RCN2: variants seen among roughly 807,000 people sequenced by gnomAD.
RCN2 encodes the protein reticulocalbin-2.
Under a neutral mutation model 37.5 loss-of-function variants are expected in RCN2, and 23 were observed. The observed-to-expected ratio is 0.61, with a 90% CI of 0.44 to 0.87. The LOEUF (loss-of-function observed/expected upper bound fraction) is 0.87, where lower values mean the gene tolerates loss of function less well. Ranked by LOEUF, RCN2 falls within the 40% of genes least tolerant of loss-of-function variation. The pLI, the probability that RCN2 is intolerant of heterozygous loss-of-function variation, is 0.00. For synonymous variants in RCN2, 140 were observed against 144.6 expected (o/e 0.97, Z 0.23); for missense variants, 381 against 390.4 (o/e 0.98, Z 0.20).
chr15:76,931,980 G>A lies in RCN2; in HGVS notation c.139G>A (p.Val47Ile), dbSNP rs533344320. 133 of 1,263,950 alleles carry A rather than the reference G, an allele frequency of 1.1e-4. No individual in the cohort carries two copies. In the African/African-American group the frequency reaches 1.8e-3, roughly 17 times the overall value. The allele number at this position is 1,263,950 out of a possible 1,614,324, so 78.3% of individuals were successfully genotyped here. ...CTACGACCGCGAGGCGCTGCTGGGC[G>A]TCCAGGTGAGGCGGCCAGGCCGGTG... Reference protein sequence around the residue: ...SDYDREALLGVQEDVDEYVKL... With the variant: ...SDYDREALLGIQEDVDEYVKL... Residue 47 changes from valine to isoleucine, a missense_variant, in exon 1 of 7, where the codon GTC becomes ATC. Transcript: ENST00000394885.
At chr15:76,941,783 T>G in intron 3 of RCN2, 1 of 641,374 alleles carries the variant, frequency 1.6e-6, no homozygotes, top group South Asian at 3.2e-5. Context: ...TAAAGAAATC[T>G]CAGCTTGTTG....
At chr15:76,940,281 A>G (rs1186756342) in intron 3 of RCN2, among the ~76,000 whole-genome samples, 1 of 151,880 alleles carries the variant, frequency 6.6e-6, no homozygotes, top group Non-Finnish European at 1.5e-5. Context: ...TCTGGACAAC[A>G]TAGTGAAACC....
chr15:76,937,986 A>G (rs542027481), intron 3 of RCN2, among the ~76,000 whole-genome samples: 2 of 152,160 alleles, frequency 1.3e-5, no homozygotes, highest in Non-Finnish European at 2.9e-5. Context: ...TAGTTGTATT[A>G]TACATACTTA....
intron 5 of RCN2, chr15:76,948,188 C>T (rs974354780): frequency 2.7e-6 from 1 of 364,468 alleles, no homozygotes; most frequent in African/African-American, 2.1e-5. Flanking sequence ...TTTGTGAAAA[C>T]ATCCAATGAT....
rs957231240 is a variant in RCN2, at chr15:76,947,645, T to A, written c.658+128T>A. 1.1e-5 allele frequency: 7 copies of A among 650,366 alleles called. No individual in the cohort carries two copies. In the Admixed American group the frequency reaches 2.3e-4, roughly 21 times the overall value. The allele number at this position is 650,366 out of a possible 1,614,324, so 40.3% of individuals were successfully genotyped here. ...GGATCTGTGTCTGATCCTACTTGTT[T>A]CGTTAACTGTAATACAAGTTCAACA... On this transcript the variant is annotated intron_variant, in intron 5 of 6. Coordinates refer to ENST00000394885, the MANE Select transcript of RCN2 (RefSeq NM_002902.3).
intron 3 of RCN2, among the ~76,000 whole-genome samples, chr15:76,937,108 A>C (rs1399535971): frequency 6.6e-6 from 1 of 152,200 alleles, no homozygotes; most frequent in East Asian, 1.9e-4. Context: ...ATGCATCAGA[A>C]TTTCCTTCCT....
Position 76,948,536 on chromosome 15 carries a change from G to A in RCN2, c.785G>A (p.Gly262Asp), listed in dbSNP as rs1478128925. The change falls in exon 6 of 7, where the codon GGC becomes GAC. Residue 262 changes from glycine (G) to aspartate (D), a missense_variant. By Grantham distance (94) the Gly-to-Asp change is moderately conservative. Transcript: ENST00000394885. Reference sequence around the variant, plus strand: ...CCTTGGGTAGTACCTAATAATCAGGGCATTGCACAAGAGGAGGTAAGTGTT... The same window carrying A: ...CCTTGGGTAGTACCTAATAATCAGGACATTGCACAAGAGGAGGTAAGTGTT... ...LLPWVVPNNQ[G>D]IAQEEALHLI... 3.2e-6 allele frequency: 5 copies of A among 1,581,180 alleles called. No homozygotes were observed. The highest frequency in any genetic ancestry group is 1.8e-5 in the Admixed American group (1 of 55,988).
rs1470659640 is a variant in RCN2 at position 76,949,210 on chromosome 15, T to C, written c.942T>C (p.His314=). 5.6e-6 allele frequency: 9 copies of C among 1,608,020 alleles called. No homozygotes were observed. The highest frequency in any genetic ancestry group is 1.7e-5 in the Admixed American group (1 of 58,644). Residue 314 remains histidine, a synonymous_variant, in exon 7 of 7, where the codon CAT becomes CAC. Coordinates refer to ENST00000394885, the MANE Select transcript of RCN2 (RefSeq NM_002902.3). ...GRQLHDDYFY[H]DEL ...AGCTCCATGATGACTATTTCTATCA[T>C]GATGAGCTTTAATCTCTGAGCCTGT... is the stretch of plus-strand genomic sequence containing the variant.
At position 76,954,067 on chromosome 15, in the gene RCN2, A is replaced by C. The variant is rs1404829988; in HGVS notation, c.*4845A>C. The C allele has an allele frequency of 1.4e-5, 2 of 140,712 alleles. No homozygotes were observed. Among genetic ancestry groups the C allele is most frequent in the Non-Finnish European group, 3.1e-5 (2 of 65,278 alleles). 8.7% of individuals were successfully genotyped at this position (140,712 alleles called of 1,614,324 possible). A position where few individuals can be genotyped will look rare whatever the true frequency, so the allele number is the denominator to read the frequency against. ...TTTTTTTTTTTCTTTTTTTTTTTTA[A>C]TAGTAGCCATCCTGTTGGGTGAGAC... On this transcript the variant is annotated 3_prime_UTR_variant, in exon 7 of 7. Coordinates refer to ENST00000394885, the MANE Select transcript of RCN2 (RefSeq NM_002902.3).
chr15:76,933,418 CTTAG>C (rs1007098266), intron 2 of RCN2, among the ~76,000 whole-genome samples: 5 of 152,218 alleles, frequency 3.3e-5, no homozygotes, highest in Admixed American at 3.3e-4. Flanking sequence ...TTTTCTTCCA[CTTAG>C]TTAGACAATA....
In RCN2 at chr15:76,950,049, T is replaced by C. The variant is rs1452346453; in HGVS notation, c.*827T>C. 5 of 151,326 alleles carry C rather than the reference T, an allele frequency of 3.3e-5. No individual in the cohort carries two copies. Among genetic ancestry groups the C allele is most frequent in the Non-Finnish European group, 7.4e-5 (5 of 67,714 alleles). The allele number at this position is 151,326 out of a possible 1,614,324, so 9.4% of individuals were successfully genotyped here. A position where few individuals can be genotyped will look rare whatever the true frequency, so the allele number is the denominator to read the frequency against. On this transcript the variant is annotated 3_prime_UTR_variant, in exon 7 of 7. Coordinates refer to ENST00000394885, the MANE Select transcript of RCN2 (RefSeq NM_002902.3). ...AATTATTCTTGCTGCATTTTCTTAT[T>C]TTTTTTTTAAATAAGAGAATCATGT...
intron 3 of RCN2, chr15:76,941,869 A>G (rs1344983461): frequency 4.7e-6 from 2 of 423,210 alleles, no homozygotes; most frequent in South Asian, 6.9e-5. Context: ...TTTTTGCTCC[A>G]AAGTGAAGGG....
rs1397637089 is a variant in RCN2 at position 76,951,546 on chromosome 15, T to C, written c.*2324T>C. The C allele has an allele frequency of 6.6e-6, 1 of 152,238 alleles. No homozygotes were observed. The highest frequency in any genetic ancestry group is 1.5e-5 in the Non-Finnish European group (1 of 68,042). 9.4% of individuals were successfully genotyped at this position (152,238 alleles called of 1,614,324 possible). A position where few individuals can be genotyped will look rare whatever the true frequency, so the allele number is the denominator to read the frequency against. The stretch of plus-strand genomic sequence containing the variant: ...ATCCTGCTGTGACTGAGTGAAGATT[T>C]CACATTTAACAATAGGCTTTTAATA... On this transcript the variant is annotated 3_prime_UTR_variant, in exon 7 of 7. Coordinates refer to ENST00000394885, the MANE Select transcript of RCN2 (RefSeq NM_002902.3).
chr15:76,948,608 G>A lies in RCN2; in HGVS notation c.801+56G>A. On this transcript the variant is annotated intron_variant, in intron 6 of 6. Coordinates refer to ENST00000394885, the MANE Select transcript of RCN2 (RefSeq NM_002902.3). ...ACCCCCTCCCCCCGAATTTGGTGCTGTTGATAGGAAAAGAAGTTCAAAATC... is the reference window on the plus strand; with the variant it reads ...ACCCCCTCCCCCCGAATTTGGTGCTATTGATAGGAAAAGAAGTTCAAAATC... The A allele has an allele frequency of 4.8e-6, 7 of 1,448,830 alleles. No individual in the cohort carries two copies. In the South Asian group the frequency reaches 9.4e-5, roughly 20 times the overall value. The allele number at this position is 1,448,830 out of a possible 1,614,324, so 89.7% of individuals were successfully genotyped here. A position where few individuals can be genotyped will look rare whatever the true frequency, so the allele number is the denominator to read the frequency against.
rs1445485198 is a variant in RCN2 at position 76,948,563 on chromosome 15, C to G, written c.801+11C>G. On this transcript the variant is annotated intron_variant, in intron 6 of 6. Coordinates refer to ENST00000394885, the MANE Select transcript of RCN2 (RefSeq NM_002902.3). The stretch of plus-strand genomic sequence containing the variant: ...ATTGCACAAGAGGAGGTAAGTGTTA[C>G]AGAACAACTGTTTCTCTCCACCCCC... 6.5e-7 allele frequency: 1 copy of G among 1,538,086 alleles called. No individual in the cohort carries two copies. Among genetic ancestry groups the G allele is most frequent in the African/African-American group, 1.4e-5 (1 of 72,998 alleles).
chr15:76,941,637 G>C, intron 3 of RCN2: 1 of 1,475,418 alleles, frequency 6.8e-7, no homozygotes, highest in Non-Finnish European at 9.1e-7. Flanking sequence ...ATTTTTTTAG[G>C]AATTTGCCAT....
intron 4 of RCN2, among the ~76,000 whole-genome samples, chr15:76,945,766 G>T (rs2075294273): frequency 6.6e-6 from 1 of 152,218 alleles, no homozygotes; most frequent in Admixed American, 6.5e-5. Flanking sequence ...TAACAAGGCT[G>T]CAGATACATT....
At chr15:76,934,142 G>GTTTTTTTT (rs1257658118) in intron 2 of RCN2, among the ~76,000 whole-genome samples, 1 of 151,016 alleles carries the variant, frequency 6.6e-6, no homozygotes, top group Non-Finnish European at 1.5e-5. Context: ...TTTATGAATA[G>GTTTTTTTT]TTTTTTGTTT....
chr15:76,947,787 G>A, intron 5 of RCN2: 1 of 353,360 alleles, frequency 2.8e-6, no homozygotes, highest in Non-Finnish European at 5.1e-6. Context: ...TTTAAATGGG[G>A]AAGGAAGTAA....
Sources: gnomAD v4.1 joint callset for allele counts (sites outside exome capture counted in the v4.1 genomes callset) on GRCh38, gnomAD v4.1.1 for gene constraint, MANE v1.5 for transcripts, NCBI Gene and HGNC (gene_info 2026-07-23, HGNC 2026-07-21) for gene names.